Variants in CPEB3 observed in about 807,000 individuals in gnomAD.
CPEB3 encodes cytoplasmic polyadenylation element binding protein 3, also known as cytoplasmic polyadenylation element-binding protein 3.
In CPEB3, 20 loss-of-function variants were observed where a neutral mutation model predicts 67.2. The observed-to-expected ratio is 0.30, with a 90% CI of 0.21 to 0.43. CPEB3 has a LOEUF of 0.43. Among genes scored for constraint, CPEB3 ranks in the 20% least tolerant of loss-of-function variants. The pLI, the probability that CPEB3 is intolerant of heterozygous loss-of-function variation, is 1.00. For missense variants in CPEB3, 746 were observed against 968.6 expected (o/e 0.77, Z 3.05); for synonymous variants, 376 against 393.1 (o/e 0.96, Z 0.51).
At chr10:92,158,586 C>G (rs968385591) in intron 4 of CPEB3, among the ~76,000 whole-genome samples, 1 of 152,150 alleles carries the variant, frequency 6.6e-6, no homozygotes, top group Non-Finnish European at 1.5e-5. Flanking sequence ...ATACAACTAG[C>G]TGTTACTTTA....
At chr10:92,262,380 AATG>A (rs1405210410) in intron 1 of CPEB3, among the ~76,000 whole-genome samples, 1 of 152,234 alleles carries the variant, frequency 6.6e-6, no homozygotes, top group East Asian at 1.9e-4. Flanking sequence ...TATTACTTGC[AATG>A]ATATGTACTT....
intron 1 of CPEB3, among the ~76,000 whole-genome samples, chr10:92,280,878 G>C (rs1842265920): frequency 6.7e-6 from 1 of 148,398 alleles, no homozygotes; most frequent in African/African-American, 2.5e-5. Flanking sequence ...TCCTGCCTCA[G>C]CCTCCTGAGT....
chr10:92,122,567 T>C (rs1845438647), intron 6 of CPEB3, among the ~76,000 whole-genome samples: 1 of 152,274 alleles, frequency 6.6e-6, no homozygotes, highest in Admixed American at 6.5e-5. Context: ...GAGCAAATTC[T>C]TGTTCTTAAG....
chr10:92,149,928 T>C (rs1364914878), intron 4 of CPEB3, among the ~76,000 whole-genome samples: 1 of 152,196 alleles, frequency 6.6e-6, no homozygotes, highest in Non-Finnish European at 1.5e-5. Context: ...AAGAGATATT[T>C]TGTGTGAAGT....
At chr10:92,286,798 C>T (rs1842549549) in intron 1 of CPEB3, among the ~76,000 whole-genome samples, 1 of 152,122 alleles carries the variant, frequency 6.6e-6, no homozygotes, top group African/African-American at 2.4e-5. Context: ...GTAACGAATA[C>T]TCCAGGCCCC....
At chr10:92,265,553 T>C (rs1438377965) in intron 1 of CPEB3, among the ~76,000 whole-genome samples, 1 of 152,006 alleles carries the variant, frequency 6.6e-6, no homozygotes, top group Non-Finnish European at 1.5e-5. Flanking sequence ...GGTCAGGAGT[T>C]TGAGACCAGC....
At chr10:92,125,053 C>T (rs1845550672) in intron 6 of CPEB3, among the ~76,000 whole-genome samples, 1 of 152,240 alleles carries the variant, frequency 6.6e-6, no homozygotes, top group African/African-American at 2.4e-5. Flanking sequence ...ACTACATGAC[C>T]TTGGTTAAGA....
At chr10:92,115,640 G>A (rs1844983658) in intron 6 of CPEB3, among the ~76,000 whole-genome samples, 1 of 152,124 alleles carries the variant, frequency 6.6e-6, no homozygotes, top group African/African-American at 2.4e-5. Flanking sequence ...TTTCTTTGAG[G>A]AATAGACTAT....
chr10:92,254,935 G>C (rs1471050964), intron 1 of CPEB3, among the ~76,000 whole-genome samples: 1 of 150,906 alleles, frequency 6.6e-6, no homozygotes, highest in Admixed American at 6.6e-5. Flanking sequence ...TTCAAATGCC[G>C]GGCCTCCAGT....
chr10:92,130,476 G>C (rs1303942920), intron 6 of CPEB3, among the ~76,000 whole-genome samples: 1 of 151,884 alleles, frequency 6.6e-6, no homozygotes, highest in African/African-American at 2.4e-5. Flanking sequence ...TTCCTTACTT[G>C]TGGTCCACAG....
chr10:92,144,828 C>T (rs539537389), intron 5 of CPEB3, 117 bp downstream of exon 5: 122 of 821,618 alleles, frequency 1.5e-4, no homozygotes, highest in Non-Finnish European at 2.3e-4. Context: ...CAAATAGTCT[C>T]ACCTCCTATG....
chr10:92,070,650 G>A (rs1842716441), intron 9 of CPEB3, among the ~76,000 whole-genome samples: 1 of 151,888 alleles, frequency 6.6e-6, no homozygotes, highest in African/African-American at 2.4e-5. Context: ...GGTGGTGGGT[G>A]CCTGTAATCC....
intron 4 of CPEB3, among the ~76,000 whole-genome samples, chr10:92,180,615 G>A (rs1359980248): frequency 1.3e-5 from 2 of 152,214 alleles, no homozygotes; most frequent in Admixed American, 6.5e-5. Context: ...TACAAAAACA[G>A]ATCCAGCTTG....
At chr10:92,118,897 G>A (rs955591620) in intron 6 of CPEB3, 1 of 910,268 alleles carries the variant, frequency 1.1e-6, no homozygotes, top group African/African-American at 1.6e-5. Context: ...TGAGGGCAGG[G>A]GCCTCTCTTT....
intron 2 of CPEB3, among the ~76,000 whole-genome samples, chr10:92,199,679 C>CAAAAAAAAAAAAAAAAAAAAAA (rs59100106): frequency 1.4e-5 from 1 of 71,100 alleles, no homozygotes. Flanking sequence ...GACTCCATCT[C>CAAAAAAAAAAAAAAAAAAAAAA]AAAAAAAAAA....
chr10:92,240,166 G>T lies in CPEB3; in HGVS notation c.185C>A (p.Pro62His). 6.5e-7 allele frequency: 1 copy of T among 1,547,628 alleles called. No individual in the cohort carries two copies. The highest frequency in any genetic ancestry group is 8.7e-7 in the Non-Finnish European group (1 of 1,144,938). ...AVPALSPAAA[P>H]PAPNGPDKMQ... ...CTTGTCCGGGCCGTTGGGGGCCGGG[G>T]GGGCAGCGGCTGGGCTGAGGGCCGG... The change falls in exon 2 of 10, where the codon CCC (proline) becomes CAC (histidine). Residue 62 changes from proline (P) to histidine (H), a missense_variant. By Grantham distance (77) the Pro-to-His change is moderately conservative. Coordinates refer to ENST00000265997, the MANE Select transcript of CPEB3 (RefSeq NM_014912.5).
chr10:92,267,967 C>T (rs1853135683), intron 1 of CPEB3, among the ~76,000 whole-genome samples: 1 of 152,084 alleles, frequency 6.6e-6, no homozygotes, highest in Non-Finnish European at 1.5e-5. Context: ...TACAGGCACG[C>T]ACCACAATGC....
chr10:92,216,938 C>G, intron 2 of CPEB3: 1 of 678,034 alleles, frequency 1.5e-6, no homozygotes, highest in Non-Finnish European at 2.6e-6. Flanking sequence ...TCTAACAGCC[C>G]TTTCATGAAG....
intron 9 of CPEB3, among the ~76,000 whole-genome samples, chr10:92,063,778 C>T (rs1842449087): frequency 1.3e-5 from 2 of 148,300 alleles, no homozygotes; most frequent in African/African-American, 5.0e-5. Context: ...AAAAAAAAAT[C>T]AGTCAGATAT....
Sources: allele counts gnomAD v4.1 joint callset (sites outside exome capture counted in the v4.1 genomes callset), GRCh38; gene constraint gnomAD v4.1.1; transcripts MANE v1.5; gene names NCBI Gene and HGNC (gene_info 2026-07-23, HGNC 2026-07-21).